ZFHX4: variants seen among roughly 807,000 people sequenced by gnomAD.
ZFHX4 encodes the protein zinc finger homeobox 4, also known as zinc finger homeobox protein 4.
A neutral mutation model predicts 267.6 loss-of-function variants in ZFHX4; 56 were observed. That is an observed-to-expected ratio of 0.21 (90% CI 0.17 to 0.26). ZFHX4 has a LOEUF of 0.26. Ranked by LOEUF, ZFHX4 falls within the 10% of genes least tolerant of loss-of-function variation. ZFHX4 has a pLI of 1.00. For missense variants in ZFHX4, 4,332 were observed against 4,420.0 expected (o/e 0.98, Z 0.56); for synonymous variants, 1,778 against 1,665.6 (o/e 1.07, Z -1.64).
intron 3 of ZFHX4, among the ~76,000 whole-genome samples, chr8:76,715,033 C>T (rs1379700093): frequency 6.6e-6 from 1 of 152,088 alleles, no homozygotes; most frequent in Non-Finnish European, 1.5e-5. Flanking sequence ...ACTTTTATTG[C>T]CCTATTGCAT....
chr8:76,795,723 A>G (rs1810963586), intron 4 of ZFHX4, among the ~76,000 whole-genome samples: 1 of 151,952 alleles, frequency 6.6e-6, no homozygotes, highest in African/African-American at 2.4e-5. Flanking sequence ...TGTTTTTAGT[A>G]GAGACGGGGT....
Position 76,849,782 on chromosome 8 carries a change from T to C in ZFHX4, c.3846+70T>C, listed in dbSNP as rs1812462834. 7 of 1,428,502 alleles carry C rather than the reference T, an allele frequency of 4.9e-6. No homozygotes were observed. In the South Asian group the frequency reaches 6.1e-5, roughly 12 times the overall value. The allele number at this position is 1,428,502 out of a possible 1,614,324, so 88.5% of individuals were successfully genotyped here. A position where few individuals can be genotyped will look rare whatever the true frequency, so the allele number is the denominator to read the frequency against. On this transcript the variant is annotated intron_variant, in intron 8 of 10. Coordinates refer to ENST00000651372, the MANE Select transcript of ZFHX4 (RefSeq NM_024721.5). The stretch of plus-strand genomic sequence containing the variant: ...AGGAATATCAATATAAAATCTGTAA[T>C]TATTGGTTTATGGAAATGTATTTCT...
At chr8:76,856,621 G>A (rs1052409840) in intron 10 of ZFHX4, among the ~76,000 whole-genome samples, 7 of 151,984 alleles carry the variant, frequency 4.6e-5, no homozygotes, top group Admixed American at 4.6e-4. Flanking sequence ...TGGCATTCCA[G>A]CACTCACATG....
chr8:76,694,462 T>C (rs544860998), intron 1 of ZFHX4, among the ~76,000 whole-genome samples: 18 of 152,264 alleles, frequency 1.2e-4, no homozygotes, highest in Admixed American at 5.9e-4. Flanking sequence ...TGCCAATTGG[T>C]AAGCCATATT....
chr8:76,793,912 C>G (rs1810904533), intron 4 of ZFHX4, among the ~76,000 whole-genome samples: 1 of 152,084 alleles, frequency 6.6e-6, no homozygotes, highest in Non-Finnish European at 1.5e-5. Context: ...AGTAGGAAAG[C>G]TCTTTAAAAG....
At chr8:76,835,308 TTA>T (rs1422942693) in intron 5 of ZFHX4, among the ~76,000 whole-genome samples, 17 of 145,910 alleles carry the variant, frequency 1.2e-4, no homozygotes, top group African/African-American at 4.3e-4. Context: ...CTTAGCTGCA[TTA>T]TATTCAGATA....
At chr8:76,824,929 C>G (rs1811746145) in intron 4 of ZFHX4, among the ~76,000 whole-genome samples, 1 of 152,106 alleles carries the variant, frequency 6.6e-6, no homozygotes, top group Non-Finnish European at 1.5e-5. Flanking sequence ...GCTTTTATTG[C>G]AGCATGTGTA....
At chr8:76,737,284 G>A (rs143422421) in intron 3 of ZFHX4, among the ~76,000 whole-genome samples, 4 of 151,808 alleles carry the variant, frequency 2.6e-5, no homozygotes, top group Non-Finnish European at 5.9e-5. Context: ...AAAATATTTC[G>A]ACTTTAAGAA....
intron 10 of ZFHX4, among the ~76,000 whole-genome samples, chr8:76,858,308 G>A (rs1171044102): frequency 6.6e-6 from 1 of 152,228 alleles, no homozygotes; most frequent in African/African-American, 2.4e-5. Context: ...GGCCCTATTT[G>A]TAATAGCATT....
intron 4 of ZFHX4, among the ~76,000 whole-genome samples, chr8:76,831,994 T>A (rs1811945435): frequency 9.4e-6 from 1 of 106,830 alleles, no homozygotes; most frequent in Non-Finnish European, 1.9e-5. Flanking sequence ...ACATAATGGT[T>A]TTTTTAGTGG....
chr8:76,686,477 T>C (rs1807696107), intron 1 of ZFHX4, among the ~76,000 whole-genome samples: 1 of 152,212 alleles, frequency 6.6e-6, no homozygotes, highest in African/African-American at 2.4e-5. Flanking sequence ...TTAATCTCAA[T>C]AAAATTAATC....
chr8:76,786,075 G>T (rs937943387), intron 4 of ZFHX4, among the ~76,000 whole-genome samples: 5 of 152,094 alleles, frequency 3.3e-5, no homozygotes, highest in Non-Finnish European at 7.4e-5. Context: ...GCTTTAGAGA[G>T]GTCAAGTCTA....
intron 3 of ZFHX4, among the ~76,000 whole-genome samples, chr8:76,714,782 G>T (rs1010680030): frequency 6.6e-6 from 1 of 152,180 alleles, no homozygotes; most frequent in Admixed American, 6.5e-5. Context: ...TCTAAGTGCT[G>T]CTCAGAGACA....
intron 4 of ZFHX4, among the ~76,000 whole-genome samples, chr8:76,828,966 G>T (rs1811857426): frequency 6.6e-6 from 1 of 152,082 alleles, no homozygotes; most frequent in Non-Finnish European, 1.5e-5. Flanking sequence ...TAATGCATTA[G>T]CAAATTATTG....
At chr8:76,789,067 TATTAAGTGACTTCC>T in intron 4 of ZFHX4, among the ~76,000 whole-genome samples, 1 of 152,362 alleles carries the variant, frequency 6.6e-6, no homozygotes, top group African/African-American at 2.4e-5. Flanking sequence ...GCTGGCTTGA[TATTAAGTGACTTCC>T]ATTATTGCAT....
intron 4 of ZFHX4, among the ~76,000 whole-genome samples, chr8:76,795,206 G>C (rs1227374239): frequency 6.6e-6 from 1 of 152,116 alleles, no homozygotes; most frequent in African/African-American, 2.4e-5. Flanking sequence ...CCTTTCATTT[G>C]ACATTTGACA....
At chr8:76,846,147 A>G (rs1014107667) in intron 6 of ZFHX4, among the ~76,000 whole-genome samples, 1 of 152,082 alleles carries the variant, frequency 6.6e-6, no homozygotes, top group African/African-American at 2.4e-5. Flanking sequence ...CAGGGATGCC[A>G]TAATATGAAA....
At chr8:76,744,464 G>T (rs1376668575) in intron 3 of ZFHX4, among the ~76,000 whole-genome samples, 1 of 152,010 alleles carries the variant, frequency 6.6e-6, no homozygotes, top group Admixed American at 6.6e-5. Flanking sequence ...CCAGGGTGGA[G>T]TGCAGTGGTG....
At chr8:76,727,848 A>G (rs2131653229) in intron 3 of ZFHX4, among the ~76,000 whole-genome samples, 1 of 152,314 alleles carries the variant, frequency 6.6e-6, no homozygotes, top group East Asian at 1.9e-4. Context: ...CAAATACAAT[A>G]GAACGTTCCT....
Sources: gnomAD v4.1 joint callset for allele counts (sites outside exome capture counted in the v4.1 genomes callset) on GRCh38, gnomAD v4.1.1 for gene constraint, MANE v1.5 for transcripts, NCBI Gene and HGNC (gene_info 2026-07-23, HGNC 2026-07-21) for gene names.